ADAMTSL1: variants seen among roughly 807,000 people sequenced by gnomAD.
The protein encoded by ADAMTSL1 is ADAMTS like 1.
Under a neutral mutation model 201.8 loss-of-function variants are expected in ADAMTSL1, and 126 were observed. The ratio of observed to expected loss-of-function variants is 0.62; its 90% CI spans 0.54 to 0.72. The LOEUF (loss-of-function observed/expected upper bound fraction) is 0.72. Among genes scored for constraint, ADAMTSL1 ranks in the 30% least tolerant of loss-of-function variants. ADAMTSL1 has a pLI of 0.00. For synonymous variants in ADAMTSL1, 1,121 were observed against 903.4 expected (o/e 1.24, Z -4.32); for missense variants, 2,679 against 2,277.8 (o/e 1.18, Z -3.59).
chr9:18,467,769 A>T (rs185020380), intron 2 of ADAMTSL1, among the ~76,000 whole-genome samples: 1 of 152,316 alleles, frequency 6.6e-6, no homozygotes, highest in Non-Finnish European at 1.5e-5. Context: ...AAGTATTTCA[A>T]TCGAGGTGGA....
intron 3 of ADAMTSL1, among the ~76,000 whole-genome samples, chr9:18,563,096 C>G (rs1821638994): frequency 6.6e-6 from 1 of 152,204 alleles, no homozygotes; most frequent in Non-Finnish European, 1.5e-5. Context: ...AAGAGTCATT[C>G]TGGTTTTTGG....
chr9:18,849,174 T>G (rs189896048), intron 23 of ADAMTSL1, among the ~76,000 whole-genome samples: 1 of 152,336 alleles, frequency 6.6e-6, no homozygotes, highest in East Asian at 1.9e-4. Context: ...AGAGGCTGCA[T>G]AAGTATTTTT....
At chr9:18,553,821 C>G (rs1342431725) in intron 3 of ADAMTSL1, among the ~76,000 whole-genome samples, 2 of 151,786 alleles carry the variant, frequency 1.3e-5, no homozygotes, top group Non-Finnish European at 2.9e-5. Context: ...TGTATCTTTT[C>G]TGCCTGACTT....
Position 18,574,237 on chromosome 9 carries a change from T to G in ADAMTSL1, c.445T>G (p.Leu149Val). ...TGGTACGCGTTGCTATACAGAATCT[T>G]TGGATATGTGCATCAGTGGTTTATG... ...LDGTRCYTESLDMCISGLCQI... is the reference protein window; with the variant it reads ...LDGTRCYTESVDMCISGLCQI... The change falls in exon 4 of 29, where the codon TTG (leucine) becomes GTG (valine). Residue 149 changes from leucine to valine, a missense_variant. Transcript: ENST00000380548. 6.2e-7 allele frequency: 1 copy of G among 1,614,132 alleles called. No homozygotes were observed. Among genetic ancestry groups the G allele is most frequent in the Non-Finnish European group, 8.5e-7 (1 of 1,179,986 alleles).
intron 2 of ADAMTSL1, among the ~76,000 whole-genome samples, chr9:18,320,675 A>C (rs1486288084): frequency 1.3e-5 from 2 of 152,138 alleles, no homozygotes; most frequent in Non-Finnish European, 2.9e-5. Flanking sequence ...GAGGTGTATA[A>C]ATGTATGGGA....
chr9:17,916,094 G>T (rs1480848383), intron 1 of ADAMTSL1, among the ~76,000 whole-genome samples: 2 of 152,082 alleles, frequency 1.3e-5, no homozygotes, highest in African/African-American at 4.8e-5. Flanking sequence ...TAATTTTTTT[G>T]TACTTTTAGT....
intron 9 of ADAMTSL1, among the ~76,000 whole-genome samples, chr9:18,670,356 T>C (rs560630845): frequency 1.4e-4 from 21 of 152,292 alleles, no homozygotes; most frequent in African/African-American, 5.1e-4. Context: ...ATCTGGGAGA[T>C]AGCCAATGAA....
At chr9:18,758,430 T>G (rs1226708659) in intron 16 of ADAMTSL1, among the ~76,000 whole-genome samples, 6 of 152,206 alleles carry the variant, frequency 3.9e-5, no homozygotes, top group Admixed American at 1.3e-4. Flanking sequence ...TCTCTTATAG[T>G]TCTGGAGATC....
chr9:17,907,854 G>A (rs914995563), intron 1 of ADAMTSL1, among the ~76,000 whole-genome samples: 7 of 152,108 alleles, frequency 4.6e-5, no homozygotes, highest in Non-Finnish European at 7.3e-5. Flanking sequence ...ACATAATTTA[G>A]CCTCCATAGA....
At chr9:18,161,450 C>T (rs1046587829) in intron 1 of ADAMTSL1, among the ~76,000 whole-genome samples, 6 of 151,952 alleles carry the variant, frequency 3.9e-5, no homozygotes, top group African/African-American at 1.4e-4. Flanking sequence ...TTCAAAATAG[C>T]CTTGGATTTT....
intron 7 of ADAMTSL1, among the ~76,000 whole-genome samples, chr9:18,649,637 G>A (rs1292710380): frequency 1.8e-4 from 27 of 152,138 alleles, no homozygotes; most frequent in Admixed American, 1.8e-3. Context: ...GTCTGTTGGA[G>A]TTTGCTAGAT....
chr9:18,182,492 G>C (rs1828541173), intron 2 of ADAMTSL1, among the ~76,000 whole-genome samples: 1 of 152,282 alleles, frequency 6.6e-6, no homozygotes, highest in African/African-American at 2.4e-5. Context: ...TTAAAAAAGA[G>C]TGGAGGCTCT....
intron 2 of ADAMTSL1, among the ~76,000 whole-genome samples, chr9:18,305,312 A>G (rs116673985): frequency 0.018 from 2,724 of 152,104 alleles, 76 homozygotes; most frequent in African/African-American, 0.061. Flanking sequence ...GCTGCAGGAG[A>G]TTTTTTTCAT....
intron 1 of ADAMTSL1, among the ~76,000 whole-genome samples, chr9:17,956,683 T>C (rs575318516): frequency 6.6e-6 from 1 of 152,270 alleles, no homozygotes; most frequent in Admixed American, 6.5e-5. Context: ...ATTTTATTGA[T>C]CATGCAAGTC....
intron 2 of ADAMTSL1, among the ~76,000 whole-genome samples, chr9:18,344,972 C>G (rs1430453407): frequency 6.6e-6 from 1 of 152,128 alleles, no homozygotes. Flanking sequence ...GTGGATATCC[C>G]TCCACTAAGC....
At chr9:18,149,083 G>A (rs1310818368) in intron 1 of ADAMTSL1, among the ~76,000 whole-genome samples, 1 of 152,098 alleles carries the variant, frequency 6.6e-6, no homozygotes, top group Non-Finnish European at 1.5e-5. Context: ...TAGAGGAATA[G>A]ATGATTGATT....
At chr9:18,224,002 A>G (rs1830354048) in intron 2 of ADAMTSL1, among the ~76,000 whole-genome samples, 1 of 152,106 alleles carries the variant, frequency 6.6e-6, no homozygotes, top group Admixed American at 6.6e-5. Flanking sequence ...GATTCCAGAG[A>G]AGTATAAGTA....
intron 23 of ADAMTSL1, among the ~76,000 whole-genome samples, chr9:18,878,048 A>T (rs1828280903): frequency 6.6e-6 from 1 of 152,112 alleles, no homozygotes; most frequent in African/African-American, 2.4e-5. Flanking sequence ...TTGCCATGGA[A>T]GTGGGGAAAG....
Position 18,174,455 on chromosome 9 carries a change from C to G in ADAMTSL1, c.207+10474C>G, listed in dbSNP as rs372833560. 1.3e-4 allele frequency among the ~76,000 whole-genome samples: 20 copies of G among 152,154 alleles called. 1 individual carries two copies. In the East Asian group the frequency reaches 1.7e-3, roughly 13 times the overall value. Reference sequence around the variant, plus strand: ...AGTAGAACTGGAGTGGTCAGACAGCCTTCTGGAATCATATGATCAAAAGTC... The same window carrying G: ...AGTAGAACTGGAGTGGTCAGACAGCGTTCTGGAATCATATGATCAAAAGTC... On this transcript the variant is annotated intron_variant, in intron 2 of 29. Coordinates refer to the ADAMTSL1 transcript ENST00000680146.
Sources: allele counts gnomAD v4.1 joint callset (sites outside exome capture counted in the v4.1 genomes callset), GRCh38; gene constraint gnomAD v4.1.1; transcripts MANE v1.5; gene names NCBI Gene and HGNC (gene_info 2026-07-23, HGNC 2026-07-21).